MEF2A: variants seen among roughly 807,000 people sequenced by gnomAD.
MEF2A encodes the protein myocyte enhancer factor 2A, also known as myocyte-specific enhancer factor 2A.
In MEF2A, 28 loss-of-function variants were observed where a neutral mutation model predicts 55.8. The observed-to-expected ratio is 0.50, with a 90% confidence interval of 0.37 to 0.69. The LOEUF (loss-of-function observed/expected upper bound fraction) is 0.69. MEF2A is among the 30% of genes least tolerant of loss of function. The pLI, the probability that MEF2A is intolerant of heterozygous loss-of-function variation, is 0.00. For missense variants in MEF2A, 528 were observed against 626.2 expected (o/e 0.84, Z 1.67); for synonymous variants, 239 against 227.1 (o/e 1.05, Z -0.47).
chr15:99,570,114 A>G (rs1961514218), intron 1 of MEF2A, among the ~76,000 whole-genome samples: 1 of 152,138 alleles, frequency 6.6e-6, no homozygotes, highest in African/African-American at 2.4e-5. Flanking sequence ...AATCATAAGC[A>G]TATGAGTTAA....
In MEF2A at chr15:99,712,336, A is replaced by C; in HGVS notation, c.1137-54A>C. 1 of 1,477,790 alleles carries C rather than the reference A, an allele frequency of 6.8e-7. No homozygotes were observed. The highest frequency in any genetic ancestry group is 9.0e-7 in the Non-Finnish European group (1 of 1,110,758). 91.5% of individuals were successfully genotyped at this position (1,477,790 alleles called of 1,614,324 possible). ...GGCAGTGTCTCTACTGTATCATCCCAGTTTTGCAGAGGTACTTGCAAGCCA... is the reference window on the plus strand; with the variant it reads ...GGCAGTGTCTCTACTGTATCATCCCCGTTTTGCAGAGGTACTTGCAAGCCA... On this transcript the variant is annotated intron_variant, in intron 11 of 11. Coordinates refer to ENST00000557942, the MANE Select transcript of MEF2A (RefSeq NM_001319206.4). This position sits in a 1 kb window ranked among gnomAD's most constrained non-coding sequence, Gnocchi z 4.1.
chr15:99,594,899 A>G (rs922141544), intron 1 of MEF2A, among the ~76,000 whole-genome samples: 6 of 152,238 alleles, frequency 3.9e-5, no homozygotes, highest in South Asian at 2.1e-4. Context: ...CATGGTCTCT[A>G]TCATATATAG....
chr15:99,652,375 C>T (rs911891300), intron 4 of MEF2A, among the ~76,000 whole-genome samples: 2 of 152,154 alleles, frequency 1.3e-5, no homozygotes, highest in Non-Finnish European at 2.9e-5. Flanking sequence ...GGAGGCAGAG[C>T]TCAGGCAGTA....
At chr15:99,592,791 G>C (rs1969790038) in intron 1 of MEF2A, among the ~76,000 whole-genome samples, 1 of 152,116 alleles carries the variant, frequency 6.6e-6, no homozygotes, top group African/African-American at 2.4e-5. Flanking sequence ...AGTCGTTCAT[G>C]AGACATCTGC....
At chr15:99,566,136 C>G (rs1311995198) in intron 1 of MEF2A, 32 bp downstream of exon 1, 1 of 146,590 alleles carries the variant, frequency 6.8e-6, no homozygotes, top group African/African-American at 2.6e-5. Flanking sequence ...GCTCAGTCCG[C>G]GACGCCGGTA....
At chr15:99,626,200 G>A (rs984109964) in intron 2 of MEF2A, among the ~76,000 whole-genome samples, 1 of 152,004 alleles carries the variant, frequency 6.6e-6, no homozygotes, top group Non-Finnish European at 1.5e-5. Context: ...GAAGCCTTTT[G>A]TGTTTCTAGG....
At chr15:99,672,725 T>C (rs1423187403) in intron 5 of MEF2A, among the ~76,000 whole-genome samples, 1 of 152,224 alleles carries the variant, frequency 6.6e-6, no homozygotes, top group Non-Finnish European at 1.5e-5. Flanking sequence ...TGCATATGTA[T>C]AGTATCTTGG....
At chr15:99,605,484 C>T (rs1181806929) in intron 2 of MEF2A, among the ~76,000 whole-genome samples, 1 of 152,144 alleles carries the variant, frequency 6.6e-6, no homozygotes, top group African/African-American at 2.4e-5. Flanking sequence ...GCAAGGTGGA[C>T]ATCCAAGCTA....
At chr15:99,665,318 G>A (rs925855544) in intron 4 of MEF2A, among the ~76,000 whole-genome samples, 1 of 152,052 alleles carries the variant, frequency 6.6e-6, no homozygotes, top group African/African-American at 2.4e-5. Flanking sequence ...TAGATAGAAA[G>A]AAAAACAAGC....
chr15:99,633,976 A>G (rs569373129), intron 3 of MEF2A, among the ~76,000 whole-genome samples: 11 of 152,244 alleles, frequency 7.2e-5, no homozygotes, highest in Non-Finnish European at 1.6e-4. Flanking sequence ...ACTCTCTGAC[A>G]CTTTTAGAAA....
chr15:99,711,516 T>C (rs1225939394), intron 11 of MEF2A, among the ~76,000 whole-genome samples: 1 of 152,090 alleles, frequency 6.6e-6, no homozygotes, highest in Non-Finnish European at 1.5e-5. Context: ...CATGGAGCAG[T>C]TGGAGGAGAG....
chr15:99,657,901 C>T (rs2048002794), intron 4 of MEF2A, among the ~76,000 whole-genome samples: 2 of 152,094 alleles, frequency 1.3e-5, no homozygotes, highest in African/African-American at 2.4e-5. Context: ...AATCGTAGTT[C>T]CAAGTCATAT....
At chr15:99,685,185 G>A (rs889900921) in intron 7 of MEF2A, among the ~76,000 whole-genome samples, 1 of 152,134 alleles carries the variant, frequency 6.6e-6, no homozygotes. Flanking sequence ...GGCTCTTTTG[G>A]TTCCATAGGA....
intron 9 of MEF2A, among the ~76,000 whole-genome samples, chr15:99,704,500 A>T (rs2057791169): frequency 6.6e-6 from 1 of 152,238 alleles, no homozygotes; most frequent in African/African-American, 2.4e-5. Flanking sequence ...CTTAGGTTAG[A>T]CCTCACTGTT....
chr15:99,708,874 G>A (rs553245808), intron 10 of MEF2A, among the ~76,000 whole-genome samples: 1 of 152,166 alleles, frequency 6.6e-6, no homozygotes, highest in East Asian at 1.9e-4. Context: ...AGGAGTTTGC[G>A]GGCGGGACGG....
intron 2 of MEF2A, among the ~76,000 whole-genome samples, chr15:99,618,484 G>A (rs1212483948): frequency 2.0e-5 from 3 of 152,084 alleles, no homozygotes; most frequent in Non-Finnish European, 2.9e-5. Flanking sequence ...TATGGCCTGC[G>A]CTTTAAAGTA....
At chr15:99,676,117 A>G (rs1567409169) in intron 7 of MEF2A, among the ~76,000 whole-genome samples, 3 of 152,178 alleles carry the variant, frequency 2.0e-5, no homozygotes, top group African/African-American at 7.2e-5. Context: ...ATCAATAAAG[A>G]TATTATTAAG....
intron 1 of MEF2A, among the ~76,000 whole-genome samples, chr15:99,567,225 G>T (rs1010426517): frequency 6.6e-6 from 1 of 152,180 alleles, no homozygotes; most frequent in Admixed American, 6.5e-5. Flanking sequence ...TCCAATAAAT[G>T]CCCTATTAGA....
At chr15:99,646,418 C>G (rs1258290818) in intron 4 of MEF2A, among the ~76,000 whole-genome samples, 1 of 152,090 alleles carries the variant, frequency 6.6e-6, no homozygotes, top group Admixed American at 6.5e-5. Flanking sequence ...CATAAGATAA[C>G]TTTTCCATGT....
Sources: allele counts gnomAD v4.1 joint callset (sites outside exome capture counted in the v4.1 genomes callset), GRCh38; gene constraint gnomAD v4.1.1; non-coding constraint Gnocchi (gnomAD v3.1); transcripts MANE v1.5; gene names NCBI Gene and HGNC (gene_info 2026-07-23, HGNC 2026-07-21).